LRP1B: variants seen among roughly 807,000 people sequenced by gnomAD.
LRP1B encodes the protein LDL receptor related protein 1B.
Under a neutral mutation model 556.6 loss-of-function variants are expected in LRP1B, and 217 were observed. The observed-to-expected ratio is 0.39, with a 90% CI of 0.35 to 0.44. LRP1B has a LOEUF of 0.44. Among genes scored for constraint, LRP1B ranks in the 20% least tolerant of loss-of-function variants. The probability of loss-of-function intolerance (pLI) is 1.00; values close to 1 mark genes in which losing one functional copy is unlikely to be tolerated. For missense variants in LRP1B, 5,053 were observed against 5,620.8 expected, an observed-to-expected ratio of 0.90 and a Z score of 3.23; for synonymous variants, 2,047 against 1,865.8, an observed-to-expected ratio of 1.10 and a Z score of -2.50.
intron 3 of LRP1B, among the ~76,000 whole-genome samples, chr2:141,476,843 G>A (rs1682722760): frequency 6.6e-6 from 1 of 152,112 alleles, no homozygotes; most frequent in Non-Finnish European, 1.5e-5. Flanking sequence ...AAAGAAAACA[G>A]CTGGGCACGG....
intron 84 of LRP1B, among the ~76,000 whole-genome samples, chr2:140,275,105 A>C (rs1682615800): frequency 6.6e-6 from 1 of 151,968 alleles, no homozygotes; most frequent in Non-Finnish European, 1.5e-5. Flanking sequence ...TTAATGCAGA[A>C]CATTGTCAAA....
In LRP1B at chr2:140,825,199, A is replaced by C. The variant is rs149212277; in HGVS notation, c.5210-11393T>G. The stretch of plus-strand genomic sequence containing the variant: ...TTATTAGATAGGAGTGAGTGAACTA[A>C]ACTAAGAAGAGATAGGAGACATTTC... On this transcript the variant is annotated intron_variant, in intron 31 of 90. Transcript: ENST00000389484. Among the ~76,000 whole-genome samples the C allele has an allele frequency of 2.0e-5, 3 of 152,282 alleles. No homozygotes were observed. In the East Asian group the frequency reaches 5.8e-4, roughly 29 times the overall value.
intron 63 of LRP1B, among the ~76,000 whole-genome samples, 195 bp downstream of exon 63, chr2:140,450,373 G>T (rs1686834391): frequency 6.6e-6 from 1 of 152,150 alleles, no homozygotes; most frequent in Admixed American, 6.5e-5. Context: ...CATTCTAAGT[G>T]TAACAGTTAT....
intron 1 of LRP1B, among the ~76,000 whole-genome samples, chr2:141,837,100 C>T (rs1403237591): frequency 1.3e-5 from 2 of 151,832 alleles, no homozygotes; most frequent in Admixed American, 1.3e-4. Context: ...TTCAGTCCAG[C>T]AGGTATGCAG....
intron 3 of LRP1B, among the ~76,000 whole-genome samples, chr2:141,295,627 G>A (rs989619085): frequency 6.6e-6 from 1 of 152,016 alleles, no homozygotes; most frequent in Non-Finnish European, 1.5e-5. Flanking sequence ...TAGGACACTG[G>A]TAAATTAGCT....
intron 2 of LRP1B, among the ~76,000 whole-genome samples, chr2:141,635,047 A>AAC (rs3221098): frequency 7.3e-5 from 11 of 150,024 alleles, no homozygotes; most frequent in Middle Eastern, 3.4e-3. Flanking sequence ...ACTATAGTGA[A>AAC]ACACACACAC....
At chr2:141,466,496 C>T (rs1426407909) in intron 3 of LRP1B, among the ~76,000 whole-genome samples, 1 of 152,200 alleles carries the variant, frequency 6.6e-6, no homozygotes, top group Non-Finnish European at 1.5e-5. Context: ...ATCTCCCAGT[C>T]TTTCTTGCAA....
At chr2:142,025,557 A>G (rs1186039227) in intron 1 of LRP1B, among the ~76,000 whole-genome samples, 1 of 152,188 alleles carries the variant, frequency 6.6e-6, no homozygotes, top group Non-Finnish European at 1.5e-5. Context: ...GGAGATATCA[A>G]GTGCTATGTC....
Position 140,841,091 on chromosome 2 carries a change from A to T in LRP1B, c.4941T>A (p.Asp1647Glu). 6.2e-7 allele frequency: 1 copy of T among 1,600,604 alleles called. No individual in the cohort carries two copies. The highest frequency in any genetic ancestry group is 8.5e-7 in the Non-Finnish European group (1 of 1,171,962). Residue 1647 changes from aspartate to glutamate, a missense_variant and splice_region_variant, in exon 30 of 91, where the codon GAT becomes GAA. Coordinates refer to ENST00000389484, the MANE Select transcript of LRP1B (RefSeq NM_018557.3). ...GTGLETVISR[D>E]IQSIRGLAVD... ...CTGCTAGCCCTCTGATACTCTGAAT[A>T]TCTATAAAACAGGAAAGAGAAGATT...
chr2:140,639,909 G>C (rs1034354920), intron 41 of LRP1B, among the ~76,000 whole-genome samples: 1 of 152,074 alleles, frequency 6.6e-6, no homozygotes, highest in Non-Finnish European at 1.5e-5. Context: ...TACTACCTCA[G>C]AGTCTCTGTA....
chr2:140,752,649 A>G (rs1688622372), intron 35 of LRP1B, among the ~76,000 whole-genome samples: 2 of 152,214 alleles, frequency 1.3e-5, no homozygotes, highest in Admixed American at 1.3e-4. Context: ...ATATACATGT[A>G]TCTTTATATA....
At chr2:140,902,268 A>T (rs1694126360) in intron 23 of LRP1B, among the ~76,000 whole-genome samples, 1 of 152,144 alleles carries the variant, frequency 6.6e-6, no homozygotes. Context: ...CACCCAATGG[A>T]TGTGCGGCAC....
intron 7 of LRP1B, among the ~76,000 whole-genome samples, chr2:141,117,751 T>C (rs910710222): frequency 6.6e-6 from 1 of 152,064 alleles, no homozygotes; most frequent in African/African-American, 2.4e-5. Context: ...GCAGCATTTT[T>C]AACCAAATCC....
intron 2 of LRP1B, among the ~76,000 whole-genome samples, chr2:141,501,035 C>A (rs1313326167): frequency 6.6e-6 from 1 of 151,966 alleles, no homozygotes; most frequent in Admixed American, 6.6e-5. Context: ...CTAAAGCAGA[C>A]CATCATTTTC....
intron 7 of LRP1B, among the ~76,000 whole-genome samples, chr2:141,083,895 T>C (rs555461748): frequency 6.6e-6 from 1 of 152,358 alleles, no homozygotes; most frequent in Admixed American, 6.5e-5. Context: ...TTTGTTTCTT[T>C]ATAACCAGTT....
chr2:141,019,860 T>C lies in LRP1B; in HGVS notation c.1970+62A>G, dbSNP rs759382514. The stretch of plus-strand genomic sequence containing the variant: ...ATTTAAATAAAACTATTATTAACTA[T>C]GTAAGAAACAAATTTATCTATTATC... On this transcript the variant is annotated intron_variant, in intron 12 of 90. Coordinates refer to ENST00000389484, the MANE Select transcript of LRP1B (RefSeq NM_018557.3). 11 of 1,219,536 alleles carry C rather than the reference T, an allele frequency of 9.0e-6. No individual in the cohort carries two copies. In the South Asian group the frequency reaches 1.3e-4, roughly 15 times the overall value. The allele number at this position is 1,219,536 out of a possible 1,614,324, so 75.5% of individuals were successfully genotyped here.
intron 1 of LRP1B, among the ~76,000 whole-genome samples, chr2:142,023,405 A>G (rs982151131): frequency 6.6e-6 from 1 of 152,158 alleles, no homozygotes; most frequent in African/African-American, 2.4e-5. Flanking sequence ...TCAAGTTCAT[A>G]TATTTTTTCT....
intron 5 of LRP1B, among the ~76,000 whole-genome samples, chr2:141,246,617 G>C (rs1163443776): frequency 6.6e-6 from 1 of 152,172 alleles, no homozygotes; most frequent in Non-Finnish European, 1.5e-5. Context: ...GAGAGGATAG[G>C]TAATTCAAAT....
intron 19 of LRP1B, 43 bp downstream of exon 19, chr2:140,951,817 C>T (rs1032963456): frequency 1.3e-6 from 2 of 1,487,074 alleles, no homozygotes; most frequent in Non-Finnish European, 1.9e-6. Context: ...ACCGCCAAGC[C>T]CCCGATCAAA....
Sources: gnomAD v4.1 joint callset for allele counts (sites outside exome capture counted in the v4.1 genomes callset) on GRCh38, gnomAD v4.1.1 for gene constraint, MANE v1.5 for transcripts, NCBI Gene and HGNC (gene_info 2026-07-23, HGNC 2026-07-21) for gene names.